CD302: variants seen among roughly 807,000 people sequenced by gnomAD.
CD302 encodes the protein CD302 molecule.
CD302 carries 23 observed loss-of-function variants against 26.5 expected under a neutral mutation model. That is an observed-to-expected ratio of 0.87 (90% CI 0.62 to 1.23). The LOEUF (loss-of-function observed/expected upper bound fraction) is 1.23, where lower values mean the gene tolerates loss of function less well. Among genes scored for constraint, CD302 ranks in the 50% most tolerant of loss-of-function variants. CD302 has a pLI of 0.00. For missense variants in CD302, 290 were observed against 275.5 expected, an observed-to-expected ratio of 1.05 and a Z score of -0.37; for synonymous variants, 90 against 99.4, an observed-to-expected ratio of 0.91 and a Z score of 0.56.
chr2:159,797,111 C>T (rs1370462849), intron 1 of CD302, among the ~76,000 whole-genome samples: 3 of 149,598 alleles, frequency 2.0e-5, no homozygotes, highest in Non-Finnish European at 4.4e-5. Flanking sequence ...GGTTTGTATC[C>T]AAGTTCTGAG....
intron 5 of CD302, among the ~76,000 whole-genome samples, chr2:159,777,371 A>G (rs1182208152): frequency 6.6e-6 from 1 of 152,270 alleles, no homozygotes; most frequent in African/African-American, 2.4e-5. Flanking sequence ...TGACAATACC[A>G]TCATGGGATG....
chr2:159,793,529 A>G (rs1022878388), intron 1 of CD302, among the ~76,000 whole-genome samples: 1 of 151,840 alleles, frequency 6.6e-6, no homozygotes, highest in Non-Finnish European at 1.5e-5. Flanking sequence ...CTTCTTTTTC[A>G]TTTTCATTGT....
At chr2:159,780,241 G>A in intron 3 of CD302, 63 bp from the exon 4 acceptor site, 4 of 1,566,816 alleles carry the variant, frequency 2.6e-6, no homozygotes, top group Non-Finnish European at 3.5e-6. Flanking sequence ...GCCAAAAAGG[G>A]TGTAGGATTA....
rs1708138875 is a variant in CD302 at position 159,771,293 on chromosome 2, C to T, written c.*558G>A. On this transcript the variant is annotated 3_prime_UTR_variant, in exon 6 of 6. Transcript: ENST00000259053. ...TATAAACATTCATTAAAACTTGAGT[C>T]ATTTGTGATAAAATGGTGTGTGTAA... The T allele has an allele frequency of 6.6e-6, 1 of 152,430 alleles. No individual in the cohort carries two copies. The highest frequency in any genetic ancestry group is 2.4e-5 in the African/African-American group (1 of 41,418). The allele number at this position is 152,430 out of a possible 1,614,324, so 9.4% of individuals were successfully genotyped here. A position where few individuals can be genotyped will look rare whatever the true frequency, so the allele number is the denominator to read the frequency against.
intron 3 of CD302, 53 bp downstream of exon 3, chr2:159,780,829 T>C (rs1574492275): frequency 6.6e-7 from 1 of 1,525,114 alleles, no homozygotes; most frequent in Non-Finnish European, 9.0e-7. Context: ...TCAGTTTTGC[T>C]ACATTAAAAA....
At chr2:159,786,813 T>C (rs1318483588) in intron 1 of CD302, among the ~76,000 whole-genome samples, 1 of 152,188 alleles carries the variant, frequency 6.6e-6, no homozygotes, top group Non-Finnish European at 1.5e-5. Context: ...TGGTGAATTT[T>C]TTATAAAGTA....
chr2:159,798,019 C>A, intron 1 of CD302, 113 bp downstream of exon 1: 1 of 1,015,650 alleles, frequency 9.8e-7, no homozygotes, highest in Non-Finnish European at 1.4e-6. Context: ...GATGGCCGGC[C>A]GGGTGTTGCG....
At chr2:159,772,148 T>G in intron 5 of CD302, 95 bp from the exon 6 acceptor site, 1 of 1,381,532 alleles carries the variant, frequency 7.2e-7, no homozygotes. Context: ...GTGTAAACAT[T>G]TCTCTGTGTT....
At chr2:159,789,281 CG>C (rs1412996941) in intron 1 of CD302, among the ~76,000 whole-genome samples, 1 of 152,004 alleles carries the variant, frequency 6.6e-6, no homozygotes, top group Non-Finnish European at 1.5e-5. Flanking sequence ...GGATTACAGG[CG>C]TGAGTCACTG....
intron 1 of CD302, among the ~76,000 whole-genome samples, chr2:159,790,011 C>A (rs1276423762): frequency 6.6e-6 from 1 of 152,224 alleles, no homozygotes; most frequent in Non-Finnish European, 1.5e-5. Context: ...TAGTCTCCTA[C>A]TCCATGATAG....
At chr2:159,773,316 GTAGT>G (rs1280938141) in intron 5 of CD302, among the ~76,000 whole-genome samples, 2 of 152,142 alleles carry the variant, frequency 1.3e-5, no homozygotes, top group South Asian at 2.1e-4. Flanking sequence ...GCCCAGCCCC[GTAGT>G]TAGTTTTATT....
intron 5 of CD302, among the ~76,000 whole-genome samples, chr2:159,777,623 A>G (rs954159556): frequency 6.6e-6 from 1 of 152,240 alleles, no homozygotes; most frequent in Non-Finnish European, 1.5e-5. Flanking sequence ...AAATATCCAT[A>G]AACAAGAGAA....
chr2:159,771,801 A>G lies in CD302; in HGVS notation c.*50T>C. 6.3e-7 allele frequency: 1 copy of G among 1,590,244 alleles called. No individual in the cohort carries two copies. Among genetic ancestry groups the G allele is most frequent in the Non-Finnish European group, 8.6e-7 (1 of 1,162,536 alleles). On this transcript the variant is annotated 3_prime_UTR_variant, in exon 6 of 6. Coordinates refer to ENST00000259053, the MANE Select transcript of CD302 (RefSeq NM_014880.5). ...TTTATATTAAAATCTTTCCCAAGTT[A>G]TCTCTGCCAGGGCATTTTGTTGATG...
At chr2:159,788,882 T>C (rs1167300840) in intron 1 of CD302, among the ~76,000 whole-genome samples, 2 of 152,236 alleles carry the variant, frequency 1.3e-5, no homozygotes, top group Non-Finnish European at 2.9e-5. Flanking sequence ...AAATTACATC[T>C]ATGTTAGACT....
intron 4 of CD302, among the ~76,000 whole-genome samples, chr2:159,778,384 T>C (rs1420914607): frequency 6.6e-6 from 1 of 152,238 alleles, no homozygotes; most frequent in Admixed American, 6.5e-5. Context: ...ACTTTGTTTA[T>C]GTAATGGCAC....
At chr2:159,781,066 A>C in intron 2 of CD302, 68 bp from the exon 3 acceptor site, 1 of 1,249,960 alleles carries the variant, frequency 8.0e-7, no homozygotes, top group Non-Finnish European at 1.1e-6. Context: ...TAGGTACATA[A>C]AAATAATAAA....
In CD302 at chr2:159,780,867, G is replaced by C; in HGVS notation, c.295+15C>G. The C allele has an allele frequency of 6.2e-7, 1 of 1,605,530 alleles. No individual in the cohort carries two copies. The highest frequency in any genetic ancestry group is 1.1e-5 in the South Asian group (1 of 90,062). Reference sequence around the variant, plus strand: ...GAACAACAAAGTCACGTCCCACGAGGTAAATATCACTTACCATCTGTGTCA... The same window carrying C: ...GAACAACAAAGTCACGTCCCACGAGCTAAATATCACTTACCATCTGTGTCA... On this transcript the variant is annotated intron_variant, in intron 3 of 5. Transcript: ENST00000259053.
rs753633358 is a variant in CD302 at position 159,771,946 on chromosome 2, T to C, written c.604A>G (p.Thr202Ala). 1 of 1,613,996 alleles carries C rather than the reference T, an allele frequency of 6.2e-7. No homozygotes were observed. The highest frequency in any genetic ancestry group is 1.7e-5 in the Admixed American group (1 of 60,016). The change falls in exon 6 of 6, where the codon ACC becomes GCC. Residue 202 changes from threonine to alanine, a missense_variant. Thr to Ala is a moderately conservative substitution (Grantham distance 58, BLOSUM62 0). Coordinates refer to ENST00000259053, the MANE Select transcript of CD302 (RefSeq NM_014880.5). ...TGGGGTGCGGTTGAAAAAACTGTGGTGAAACGAGAATCAGAATGTTTTTTG... is the reference window on the plus strand; with the variant it reads ...TGGGGTGCGGTTGAAAAAACTGTGGCGAAACGAGAATCAGAATGTTTTTTG... ...LYKKHSDSRF[T>A]TVFSTAPQSP... is the part of the protein sequence containing the mutation.
At chr2:159,777,033 G>T (rs933918265) in intron 5 of CD302, among the ~76,000 whole-genome samples, 8 of 151,418 alleles carry the variant, frequency 5.3e-5, no homozygotes, top group African/African-American at 1.9e-4. Context: ...GAGGCGGGTG[G>T]ATCCTTTGAA....
Sources: allele counts gnomAD v4.1 joint callset (sites outside exome capture counted in the v4.1 genomes callset), GRCh38; gene constraint gnomAD v4.1.1; transcripts MANE v1.5; gene names NCBI Gene and HGNC (gene_info 2026-07-23, HGNC 2026-07-21).